Variants in FBXO25 observed in about 807,000 individuals in gnomAD.
FBXO25 encodes the protein F-box only protein 25.
A neutral mutation model predicts 51.9 loss-of-function variants in FBXO25; 45 were observed. That is an observed-to-expected ratio of 0.87 (90% CI 0.68 to 1.11). The LOEUF is 1.11. Among genes scored for constraint, FBXO25 ranks in the 50% most tolerant of loss-of-function variants. The pLI, the probability that FBXO25 is intolerant of heterozygous loss-of-function variation, is 0.00. For synonymous variants in FBXO25, 199 were observed against 151.0 expected (o/e 1.32, Z -2.33); for missense variants, 507 against 428.5 (o/e 1.18, Z -1.62).
chr8:444,249 G>C (rs1280798844), intron 5 of FBXO25, among the ~76,000 whole-genome samples: 1 of 152,178 alleles, frequency 6.6e-6, no homozygotes, highest in Non-Finnish European at 1.5e-5. Flanking sequence ...GTATTTTGTA[G>C]TAAGGCTGAC....
At chr8:423,810 G>A (rs1797303007) in intron 2 of FBXO25, among the ~76,000 whole-genome samples, 1 of 152,190 alleles carries the variant, frequency 6.6e-6, no homozygotes, top group Non-Finnish European at 1.5e-5. Context: ...TATATACCCA[G>A]TAATGGGGTT....
rs1051244189 is a variant in FBXO25 at position 473,108 on chromosome 8, T to C, written c.*4304T>C. On this transcript the variant is annotated 3_prime_UTR_variant, in exon 10 of 10. Coordinates refer to ENST00000350302, the MANE Select transcript of FBXO25 (RefSeq NM_183420.2). ...TGCACTCATATGTATCTCAACAGAA[T>C]TGCTGCTTCTGTCTTCACTCAAGCC... 5 of 152,344 alleles carry C rather than the reference T, an allele frequency of 3.3e-5. No individual in the cohort carries two copies. The highest frequency in any genetic ancestry group is 5.9e-5 in the Non-Finnish European group (4 of 68,144). The allele number at this position is 152,344 out of a possible 1,614,324, so 9.4% of individuals were successfully genotyped here. A position where few individuals can be genotyped will look rare whatever the true frequency, so the allele number is the denominator to read the frequency against.
intron 1 of FBXO25, among the ~76,000 whole-genome samples, chr8:408,168 A>C (rs1157370857): frequency 2.6e-5 from 4 of 152,166 alleles, no homozygotes; most frequent in African/African-American, 9.7e-5. Flanking sequence ...TTCTGGATCA[A>C]ATTTGTCCAC....
At chr8:439,286 G>A (rs184125512) in intron 5 of FBXO25, among the ~76,000 whole-genome samples, 3 of 152,200 alleles carry the variant, frequency 2.0e-5, no homozygotes, top group Non-Finnish European at 2.9e-5. Flanking sequence ...AGCCAGGCAC[G>A]AACAGCCCGA....
intron 2 of FBXO25, among the ~76,000 whole-genome samples, chr8:430,695 C>T (rs983133359): frequency 1.3e-5 from 2 of 152,142 alleles, no homozygotes; most frequent in African/African-American, 4.8e-5. Flanking sequence ...TTACTATTTA[C>T]AGGTGTTTTT....
intron 5 of FBXO25, among the ~76,000 whole-genome samples, chr8:436,231 G>C (rs1374273103): frequency 2.0e-5 from 3 of 152,068 alleles, no homozygotes; most frequent in Admixed American, 2.0e-4. Context: ...CAAAAAGAAA[G>C]GATCTTAGCC....
At chr8:446,007 G>A (rs1798716476) in intron 5 of FBXO25, among the ~76,000 whole-genome samples, 2 of 151,798 alleles carry the variant, frequency 1.3e-5, no homozygotes, top group Admixed American at 1.3e-4. Flanking sequence ...ATGTCGGACT[G>A]TATGTCTCAC....
intron 2 of FBXO25, among the ~76,000 whole-genome samples, chr8:419,829 A>G (rs924087510): frequency 5.3e-5 from 8 of 152,186 alleles, no homozygotes; most frequent in Non-Finnish European, 1.0e-4. Context: ...CAAAATTTTA[A>G]AATTCTACTC....
Position 475,147 on chromosome 8 carries a change from A to G in FBXO25, c.*6343A>G, listed in dbSNP as rs984473898. The G allele has an allele frequency of 2.8e-6, 1 of 352,644 alleles. No homozygotes were observed. The highest frequency in any genetic ancestry group is 4.3e-5 in the Admixed American group (1 of 23,122). 21.8% of individuals were successfully genotyped at this position (352,644 alleles called of 1,614,324 possible). A position where few individuals can be genotyped will look rare whatever the true frequency, so the allele number is the denominator to read the frequency against. ...TTAATTTTTATATATGGTGTGAGGT[A>G]GATCTAGCTTCATGTGGATGTCCAC... On this transcript the variant is annotated 3_prime_UTR_variant, in exon 10 of 10. Coordinates refer to ENST00000350302, the MANE Select transcript of FBXO25 (RefSeq NM_183420.2).
chr8:419,307 T>G lies in FBXO25; in HGVS notation c.134+6094T>G, dbSNP rs1235492141. Among the ~76,000 whole-genome samples the G allele has an allele frequency of 2.0e-5, 3 of 152,104 alleles. No individual in the cohort carries two copies. In the East Asian group the frequency reaches 5.8e-4, roughly 29 times the overall value. On this transcript the variant is annotated intron_variant, in intron 2 of 9. Coordinates refer to ENST00000350302, the MANE Select transcript of FBXO25 (RefSeq NM_183420.2). ...TCACTTGAACCTGGGAGGTGAAGGT[T>G]GTGGTGAGCAGAGATCCTGTCATTG...
intron 1 of FBXO25, chr8:407,552 C>G (rs1796234093): frequency 3.4e-6 from 2 of 587,826 alleles, no homozygotes; most frequent in Non-Finnish European, 4.3e-6. Flanking sequence ...CGACCCCTTC[C>G]CGCCCCCACC....
At chr8:417,037 G>A (rs1394277898) in intron 2 of FBXO25, among the ~76,000 whole-genome samples, 1 of 152,138 alleles carries the variant, frequency 6.6e-6, no homozygotes, top group African/African-American at 2.4e-5. Context: ...GGGCCTCCCC[G>A]GCAGGGAAAG....
intron 2 of FBXO25, among the ~76,000 whole-genome samples, chr8:429,597 CATCT>C (rs1452479755): frequency 6.6e-6 from 1 of 152,198 alleles, no homozygotes; most frequent in Non-Finnish European, 1.5e-5. Flanking sequence ...CAGAAGCATT[CATCT>C]TTCTTCTCTA....
intron 8 of FBXO25, among the ~76,000 whole-genome samples, chr8:460,890 G>A (rs1028482230): frequency 3.3e-5 from 5 of 152,100 alleles, no homozygotes; most frequent in African/African-American, 7.2e-5. Context: ...TTGACTCCAC[G>A]ATAATTTCCA....
At chr8:434,279 C>G (rs1231427802) in intron 4 of FBXO25, among the ~76,000 whole-genome samples, 6 of 152,158 alleles carry the variant, frequency 3.9e-5, no homozygotes, top group Non-Finnish European at 7.3e-5. Flanking sequence ...CGCACATGCT[C>G]TTTGTGGTCT....
chr8:422,186 G>C (rs7016898), intron 2 of FBXO25, among the ~76,000 whole-genome samples: 2 of 152,162 alleles, frequency 1.3e-5, no homozygotes, highest in South Asian at 2.1e-4. Context: ...AAAGGGAACA[G>C]TACTTTACAG....
intron 9 of FBXO25, chr8:467,828 C>G (rs944601998): frequency 8.7e-6 from 14 of 1,602,262 alleles, no homozygotes; most frequent in Non-Finnish European, 1.0e-5. Context: ...TCATCTTGGC[C>G]ACTGCCCGGC....
At chr8:444,856 T>G (rs544316325) in intron 5 of FBXO25, among the ~76,000 whole-genome samples, 1 of 152,256 alleles carries the variant, frequency 6.6e-6, no homozygotes, top group Non-Finnish European at 1.5e-5. Context: ...CCTAGCTGTG[T>G]AGGTGTTGTG....
intron 9 of FBXO25, among the ~76,000 whole-genome samples, chr8:465,923 A>C (rs1003044141): frequency 6.6e-6 from 1 of 152,198 alleles, no homozygotes; most frequent in Non-Finnish European, 1.5e-5. Context: ...TCTTGTATTT[A>C]GTGAACTTTG....
Sources: gnomAD v4.1 joint callset for allele counts (sites outside exome capture counted in the v4.1 genomes callset) on GRCh38, gnomAD v4.1.1 for gene constraint, MANE v1.5 for transcripts, NCBI Gene and HGNC (gene_info 2026-07-23, HGNC 2026-07-21) for gene names.